The following CNTN6 variants were observed in gnomAD, a reference collection of about 807,000 sequenced individuals.
The protein encoded by CNTN6 is contactin 6.
In CNTN6, 137 loss-of-function variants were observed where a neutral mutation model predicts 122.8. The observed-to-expected ratio is 1.12, with a 90% CI of 0.97 to 1.29. CNTN6 has a LOEUF of 1.29. Ranked by LOEUF, CNTN6 falls within the 50% of genes most tolerant of loss-of-function variation. The pLI is 0.00. For synonymous variants in CNTN6, 570 were observed against 426.0 expected (o/e 1.34, Z -4.16); for missense variants, 1,634 against 1,223.4 (o/e 1.34, Z -5.01).
chr3:1,122,218 C>T (rs1056603980), intron 1 of CNTN6, among the ~76,000 whole-genome samples: 1 of 150,706 alleles, frequency 6.6e-6, no homozygotes, highest in Non-Finnish European at 1.5e-5. Context: ...TCCAGATATA[C>T]CACAGTATGA....
chr3:1,098,102 G>A (rs1393804224), intron 1 of CNTN6, among the ~76,000 whole-genome samples: 2 of 149,846 alleles, frequency 1.3e-5, no homozygotes, highest in African/African-American at 5.0e-5. Flanking sequence ...TGCGGGGGGG[G>A]GAGGGATAGC....
chr3:1,093,176 G>A, intron 1 of CNTN6, 56 bp downstream of exon 1: 1 of 203,190 alleles, frequency 4.9e-6, no homozygotes, highest in Non-Finnish European at 1.0e-5. Flanking sequence ...AATATTGCTG[G>A]GCAAGCTGCA....
chr3:1,108,297 A>G (rs2091320704), intron 1 of CNTN6, among the ~76,000 whole-genome samples: 1 of 152,106 alleles, frequency 6.6e-6, no homozygotes, highest in Non-Finnish European at 1.5e-5. Context: ...TCGCATATAT[A>G]TAATGAGATA....
intron 2 of CNTN6, among the ~76,000 whole-genome samples, chr3:1,183,704 T>A (rs1189773451): frequency 1.3e-5 from 2 of 152,144 alleles, no homozygotes; most frequent in Non-Finnish European, 2.9e-5. Context: ...TTGCATTGAT[T>A]TTCTGTTGCT....
chr3:1,272,350 C>G (rs541973308), intron 4 of CNTN6, among the ~76,000 whole-genome samples: 1 of 152,128 alleles, frequency 6.6e-6, no homozygotes, highest in Non-Finnish European at 1.5e-5. Context: ...TTTCCTCCTT[C>G]GCTAAATGAA....
intron 2 of CNTN6, among the ~76,000 whole-genome samples, chr3:1,213,035 T>C (rs1384405363): frequency 6.6e-6 from 1 of 152,178 alleles, no homozygotes; most frequent in Non-Finnish European, 1.5e-5. Flanking sequence ...AAAATGTCTT[T>C]AAGTTTCTCA....
intron 2 of CNTN6, among the ~76,000 whole-genome samples, chr3:1,205,186 A>C (rs527446103): frequency 6.6e-6 from 1 of 152,278 alleles, no homozygotes; most frequent in South Asian, 2.1e-4. Context: ...AAGTCGTATA[A>C]GGCAAGGAAA....
At chr3:1,348,164 A>AAAAAAAAAAAAAAAAAAAAAAAAAAG (rs1476601482) in intron 11 of CNTN6, among the ~76,000 whole-genome samples, 1 of 149,216 alleles carries the variant, frequency 6.7e-6, no homozygotes, top group African/African-American at 2.5e-5. Flanking sequence ...AGACAAAAAA[A>AAAAAAAAAAAAAAAAAAAAAAAAAAG]AAAAAAAAAA....
intron 1 of CNTN6, among the ~76,000 whole-genome samples, chr3:1,135,156 T>C (rs886308175): frequency 6.6e-6 from 1 of 152,140 alleles, no homozygotes; most frequent in African/African-American, 2.4e-5. Context: ...TGAGATGAAA[T>C]AACATTCCCT....
chr3:1,144,229 T>C (rs1429505447), intron 1 of CNTN6, among the ~76,000 whole-genome samples: 1 of 152,152 alleles, frequency 6.6e-6, no homozygotes, highest in East Asian at 1.9e-4. Context: ...AGAAATACAT[T>C]GAGTCAGTGT....
chr3:1,334,280 C>G (rs1254839603), intron 11 of CNTN6, among the ~76,000 whole-genome samples: 1 of 151,976 alleles, frequency 6.6e-6, no homozygotes, highest in African/African-American at 2.4e-5. Context: ...GCAGGAGAAC[C>G]AGGAAGCACT....
intron 4 of CNTN6, among the ~76,000 whole-genome samples, chr3:1,235,697 G>A (rs918055689): frequency 9.9e-5 from 15 of 152,128 alleles, no homozygotes; most frequent in Non-Finnish European, 2.1e-4. Context: ...CAGGAAAGCC[G>A]AGAGAATCCA....
At chr3:1,112,579 C>T (rs1041219130) in intron 1 of CNTN6, among the ~76,000 whole-genome samples, 2 of 152,090 alleles carry the variant, frequency 1.3e-5, no homozygotes, top group Admixed American at 6.6e-5. Flanking sequence ...TTGTTCCATC[C>T]AGGCCCCCAG....
At chr3:1,109,427 C>A (rs2091375508) in intron 1 of CNTN6, among the ~76,000 whole-genome samples, 1 of 151,990 alleles carries the variant, frequency 6.6e-6, no homozygotes, top group South Asian at 2.1e-4. Context: ...AAAAGAAACA[C>A]TTTTAAAATG....
At chr3:1,348,119 C>T (rs1397452093) in intron 11 of CNTN6, among the ~76,000 whole-genome samples, 1 of 127,242 alleles carries the variant, frequency 7.9e-6, no homozygotes, top group Non-Finnish European at 1.6e-5. Flanking sequence ...CCTCATGACT[C>T]TGTGACACAG....
rs368910130 is a variant in CNTN6, at chr3:1,370,012, C to T, written c.1493-2287C>T. 7.8e-4 allele frequency among the ~76,000 whole-genome samples: 118 copies of T among 151,950 alleles called. 1 individual carries two copies. Among genetic ancestry groups the T allele is most frequent in the African/African-American group, 2.7e-3 (111 of 41,494 alleles). Reference sequence around the variant, plus strand: ...TAAAGTATATAAAGTAATAATGATTCCCTCTCTTTCTCTTACCCTTCAACT... The same window carrying T: ...TAAAGTATATAAAGTAATAATGATTTCCTCTCTTTCTCTTACCCTTCAACT... On this transcript the variant is annotated intron_variant, in intron 12 of 22. Coordinates refer to ENST00000446702, the MANE Select transcript of CNTN6 (RefSeq NM_001289080.2).
intron 19 of CNTN6, among the ~76,000 whole-genome samples, chr3:1,383,784 A>T (rs1692314208): frequency 6.6e-6 from 1 of 152,224 alleles, no homozygotes; most frequent in Non-Finnish European, 1.5e-5. Context: ...CTACACTCAT[A>T]TTTATACCCA....
At chr3:1,179,951 C>T (rs1167743715) in intron 2 of CNTN6, among the ~76,000 whole-genome samples, 1 of 152,134 alleles carries the variant, frequency 6.6e-6, no homozygotes, top group Admixed American at 6.6e-5. Flanking sequence ...GCTAGCTTAC[C>T]CTCTCTCCCC....
intron 1 of CNTN6, among the ~76,000 whole-genome samples, chr3:1,141,321 G>C (rs1383077185): frequency 6.6e-6 from 1 of 152,150 alleles, no homozygotes; most frequent in African/African-American, 2.4e-5. Flanking sequence ...AATGGATCTT[G>C]ATCTTCACTA....
Sources: allele counts gnomAD v4.1 joint callset (sites outside exome capture counted in the v4.1 genomes callset), GRCh38; gene constraint gnomAD v4.1.1; transcripts MANE v1.5; gene names NCBI Gene and HGNC (gene_info 2026-07-23, HGNC 2026-07-21).